The following USF3 variants were observed in gnomAD, a reference collection of about 807,000 sequenced individuals.
USF3 encodes basic helix-loop-helix domain-containing protein USF3.
Under a neutral mutation model 157.5 loss-of-function variants are expected in USF3, and 29 were observed. The ratio of observed to expected loss-of-function variants is 0.18; its 90% CI spans 0.14 to 0.25. USF3 has a LOEUF of 0.25. Ranked by LOEUF, USF3 falls within the 10% of genes least tolerant of loss-of-function variation. The probability of loss-of-function intolerance (pLI) is 1.00; values close to 1 mark genes in which losing one functional copy is unlikely to be tolerated. For missense variants in USF3, 2,381 were observed against 2,667.6 expected (o/e 0.89, Z 2.37); for synonymous variants, 893 against 941.4 (o/e 0.95, Z 0.94).
rs1025398461 is a variant in USF3, at chr3:113,687,263, A to C, written c.-135+9107T>G. 1.5e-4 allele frequency among the ~76,000 whole-genome samples: 21 copies of C among 144,678 alleles called. No homozygotes were observed. The East Asian group carries it at 1.9e-3, about 13-fold the overall frequency. 94.9% of individuals were successfully genotyped at this position (144,678 alleles called of 152,430 possible). On this transcript the variant is annotated intron_variant, in intron 1 of 6. Coordinates refer to ENST00000316407, the MANE Select transcript of USF3 (RefSeq NM_001009899.4). ...CACACACACACACACACACACACAC[A>C]CACCCCCTTTCTAGTACTTCCTTAC...
rs1947292511 is a variant in USF3, at chr3:113,653,071, AGAAAG to A, written c.*1868_*1872del. ...AGAGTCTCAAAAAAAAAAGAAAAGA[AGAAAG>A]AAAAGAAAAGCTGGTCCTTGAGTTC... On this transcript the variant is annotated 3_prime_UTR_variant, in exon 7 of 7. Coordinates refer to ENST00000316407, the MANE Select transcript of USF3 (RefSeq NM_001009899.4). 1 of 299,754 alleles carries A rather than the reference AGAAAG, an allele frequency of 3.3e-6. No individual in the cohort carries two copies. Among genetic ancestry groups the A allele is most frequent in the Non-Finnish European group, 5.9e-6 (1 of 170,508 alleles). The allele number at this position is 299,754 out of a possible 1,614,324, so 18.6% of individuals were successfully genotyped here.
rs763408964 is a variant in USF3, at chr3:113,657,866, C to T, written c.3816G>A (p.Thr1272=). The change falls in exon 7 of 7, where the codon ACG becomes ACA. Residue 1272 remains threonine (T), a synonymous_variant. Coordinates refer to ENST00000316407, the MANE Select transcript of USF3 (RefSeq NM_001009899.4). Reference sequence around the variant, plus strand: ...AGCTAGATGAAACGGTCAGATTAACCGTTGCAGGCACAGTTGTTTGCTCTG... The same window carrying T: ...AGCTAGATGAAACGGTCAGATTAACTGTTGCAGGCACAGTTGTTTGCTCTG... ...PTSEQTTVPA[T]VNLTVSSSSY... The T allele has an allele frequency of 3.4e-5, 55 of 1,614,034 alleles. No homozygotes were observed. The highest frequency in any genetic ancestry group is 4.3e-5 in the Non-Finnish European group (51 of 1,180,036).
rs750963413 is a variant in USF3 at position 113,655,590 on chromosome 3, G to A, written c.6092C>T (p.Thr2031Ile). The A allele has an allele frequency of 8.7e-6, 14 of 1,614,032 alleles. No homozygotes were observed. The highest frequency in any genetic ancestry group is 1.3e-5 in the African/African-American group (1 of 74,916). The change falls in exon 7 of 7, where the codon ACA becomes ATA. Residue 2031 changes from threonine to isoleucine, a missense_variant. This residue lies in a region of USF3 where 770 missense variants were observed against 824.2 expected (regional missense o/e 0.93). Transcript: ENST00000316407. The stretch of plus-strand genomic sequence containing the variant: ...ACGAACAATACTTCCTCTCTTCTCT[G>A]TGGCAGGTTGTTGACGTCCAAGAAT... ...SMILGRQQPA[T>I]EKRGSIVRFM...
Position 113,674,186 on chromosome 3 carries a change from A to G in USF3, c.47+646T>C, listed in dbSNP as rs767802224. On this transcript the variant is annotated intron_variant, in intron 3 of 6. Coordinates refer to ENST00000316407, the MANE Select transcript of USF3 (RefSeq NM_001009899.4). ...ATAATGTCACAGAATGTCTATTCAC[A>G]CTGACTAGAGCCTAAATCAACTTAG... Among the ~76,000 whole-genome samples the G allele has an allele frequency of 2.6e-5, 4 of 152,218 alleles. No homozygotes were observed. The East Asian group carries it at 7.7e-4, about 29-fold the overall frequency.
rs1481805491 is a variant in USF3, at chr3:113,670,146, A to G, written c.134T>C (p.Ile45Thr). Residue 45 changes from isoleucine (I) to threonine (T), a missense_variant, in exon 5 of 7, where the codon ATC (isoleucine) becomes ACC (threonine). Physicochemically the swap from Ile to Thr is moderately conservative, Grantham distance 89. This residue lies in a region of USF3 where 105 missense variants were observed against 158.6 expected (regional missense o/e 0.66). Transcript: ENST00000316407. The part of the protein sequence containing the change: ...NAGINRIGEL[I>T]PCSPALKQSK... ...CTGCTTCAGGGCAGGAGAACATGGG[A>G]TCAGCTCTCCTATTCTGTTTATCCC... is the stretch of plus-strand genomic sequence containing the variant. 1 of 1,612,674 alleles carries G rather than the reference A, an allele frequency of 6.2e-7. No homozygotes were observed. Among genetic ancestry groups the G allele is most frequent in the Non-Finnish European group, 8.5e-7 (1 of 1,178,746 alleles).
chr3:113,669,803 A>C (rs1707107661), intron 5 of USF3, among the ~76,000 whole-genome samples: 1 of 152,210 alleles, frequency 6.6e-6, no homozygotes, highest in African/African-American at 2.4e-5. Flanking sequence ...AAGGAGTAAG[A>C]ACATGCATTG....
chr3:113,660,152 A>C lies in USF3; in HGVS notation c.1530T>G (p.Ile510Met). 5.6e-6 allele frequency: 9 copies of C among 1,614,192 alleles called. No individual in the cohort carries two copies. Among genetic ancestry groups the C allele is most frequent in the African/African-American group, 1.3e-5 (1 of 75,058 alleles). The change falls in exon 7 of 7, where the codon ATT becomes ATG. Residue 510 changes from isoleucine to methionine, a missense_variant. Ile to Met is a conservative substitution (Grantham distance 10). Around this residue, in one of 6 missense-constraint regions of USF3, gnomAD observed 1,435 missense variants for 1,550.9 expected, o/e 0.93. Coordinates refer to ENST00000316407, the MANE Select transcript of USF3 (RefSeq NM_001009899.4). ...GCTGAGATTTAACTTGTGGCTGGGC[A>C]ATTAGTGGCTGCATAGGTAAAGATG... is the stretch of plus-strand genomic sequence containing the variant. ...SCPSLPMQPLIAQPQVKSQPP... is the reference protein window; with the variant it reads ...SCPSLPMQPLMAQPQVKSQPP...
intron 1 of USF3, among the ~76,000 whole-genome samples, chr3:113,679,355 C>T (rs1203880530): frequency 6.6e-6 from 1 of 151,070 alleles, no homozygotes; most frequent in Non-Finnish European, 1.5e-5. Flanking sequence ...GACGAATGCA[C>T]ACAACTGTAT....
rs145928695 is a variant in USF3 at position 113,678,524 on chromosome 3, T to C, written c.-134-1127A>G. On this transcript the variant is annotated intron_variant, in intron 1 of 6. Coordinates refer to ENST00000316407, the MANE Select transcript of USF3 (RefSeq NM_001009899.4). ...TACCAAATGCCATTATGAATATCCA[T>C]CTCAATGTAAAATTATTTATAGGTA... 4.5e-3 allele frequency among the ~76,000 whole-genome samples: 691 copies of C among 152,096 alleles called. 14 individuals carry two copies. The highest frequency in any genetic ancestry group is 0.031 in the Admixed American group (472 of 15,266).
intron 1 of USF3, among the ~76,000 whole-genome samples, chr3:113,692,939 G>C (rs778373952): frequency 7.9e-5 from 12 of 152,110 alleles, no homozygotes; most frequent in Non-Finnish European, 1.6e-4. Flanking sequence ...AAAGACTCAG[G>C]ACACATATAT....
At chr3:113,679,226 T>C (rs1207966753) in intron 1 of USF3, among the ~76,000 whole-genome samples, 4 of 152,062 alleles carry the variant, frequency 2.6e-5, no homozygotes, top group Admixed American at 6.6e-5. Flanking sequence ...CCAGTAGTTT[T>C]CAAGTGTGGT....
chr3:113,695,044 C>CA (rs55897115), intron 1 of USF3, among the ~76,000 whole-genome samples: 4 of 151,392 alleles, frequency 2.6e-5, no homozygotes, highest in South Asian at 2.1e-4. Context: ...GACTCTGTCT[C>CA]AAAAAAAATA....
At position 113,655,375 on chromosome 3, in the gene USF3, G is replaced by C; in HGVS notation, c.6307C>G (p.Pro2103Ala). Residue 2103 changes from proline (P) to alanine (A), a missense_variant, in exon 7 of 7, where the codon CCG (proline) becomes GCG (alanine). Physicochemically the swap from Pro to Ala is conservative, Grantham distance 27. Transcript: ENST00000316407. Reference sequence around the variant, plus strand: ...TAGAAGGAGGGCAGAGTATTTTGCGGATCTACCGGGATGAGGGCTGGAGTT... The same window carrying C: ...TAGAAGGAGGGCAGAGTATTTTGCGCATCTACCGGGATGAGGGCTGGAGTT... The part of the protein sequence containing the change: ...TRTPALIPVD[P>A]QNTLPSFYPP... The C allele has an allele frequency of 1.9e-6, 3 of 1,614,116 alleles. No individual in the cohort carries two copies. The highest frequency in any genetic ancestry group is 2.2e-5 in the South Asian group (2 of 91,084).
chr3:113,688,650 A>G (rs1344087894), intron 1 of USF3, among the ~76,000 whole-genome samples: 4 of 152,224 alleles, frequency 2.6e-5, no homozygotes, highest in African/African-American at 9.6e-5. Context: ...GGTAATCAAC[A>G]AGTATTTGTT....
rs377383163 is a variant in USF3, at chr3:113,657,693, C to T, written c.3989G>A (p.Arg1330His). 3 of 1,614,132 alleles carry T rather than the reference C, an allele frequency of 1.9e-6. No homozygotes were observed. Among genetic ancestry groups the T allele is most frequent in the Non-Finnish European group, 2.5e-6 (3 of 1,180,040 alleles). Residue 1330 changes from arginine to histidine, a missense_variant, in exon 7 of 7, where the codon CGT becomes CAT. This residue lies in a region of USF3 where 1,435 missense variants were observed against 1,550.9 expected (regional missense o/e 0.93). Coordinates refer to ENST00000316407, the MANE Select transcript of USF3 (RefSeq NM_001009899.4). ...SHESRKDSAK[R>H]AVQDDLLLSS... Reference sequence around the variant, plus strand: ...CAGTAAAAGGTCATCTTGGACAGCACGCTTAGCAGAATCCTTACGGCTTTC... The same window carrying T: ...CAGTAAAAGGTCATCTTGGACAGCATGCTTAGCAGAATCCTTACGGCTTTC...
At chr3:113,694,767 G>A (rs749403497) in intron 1 of USF3, among the ~76,000 whole-genome samples, 7 of 152,218 alleles carry the variant, frequency 4.6e-5, no homozygotes, top group East Asian at 1.9e-4. Flanking sequence ...ATTTGAGGCC[G>A]GGCGCAGCGG....
intron 1 of USF3, among the ~76,000 whole-genome samples, chr3:113,688,692 C>A (rs1707613710): frequency 6.6e-6 from 1 of 152,162 alleles, no homozygotes; most frequent in Non-Finnish European, 1.5e-5. Context: ...AGGTGGTGTG[C>A]AAGAATTTTT....
In USF3 at chr3:113,659,298, A is replaced by G. The variant is rs1947432431; in HGVS notation, c.2384T>C (p.Leu795Ser). ...TTTCCTGCCACCTGGCTTCTTATTCAACCTTTTAGATTTCATGTTAGGCAA... is the reference window on the plus strand; with the variant it reads ...TTTCCTGCCACCTGGCTTCTTATTCGACCTTTTAGATTTCATGTTAGGCAA... ...ACLPNMKSKR[L>S]NKKPGGRKHL... The change falls in exon 7 of 7, where the codon TTG becomes TCG. Residue 795 changes from leucine (L) to serine (S), a missense_variant. Coordinates refer to ENST00000316407, the MANE Select transcript of USF3 (RefSeq NM_001009899.4). 3 of 1,614,172 alleles carry G rather than the reference A, an allele frequency of 1.9e-6. No homozygotes were observed. In the East Asian group the frequency reaches 6.7e-5, roughly 36 times the overall value.
chr3:113,660,311 T>G lies in USF3; in HGVS notation c.1371A>C (p.Val457=). Residue 457 remains valine, a synonymous_variant, in exon 7 of 7, where the codon GTA becomes GTC. Coordinates refer to ENST00000316407, the MANE Select transcript of USF3 (RefSeq NM_001009899.4). ...SQTPSSAVTP[V]LNESGTSPTT... ...TGGGGCTAGTACCAGACTCATTTAA[T>G]ACTGGAGTCACAGCAGAAGATGGTG... The G allele has an allele frequency of 6.2e-7, 1 of 1,614,244 alleles. No homozygotes were observed. The highest frequency in any genetic ancestry group is 2.2e-5 in the East Asian group (1 of 44,890).
Sources: gnomAD v4.1 joint callset for allele counts (sites outside exome capture counted in the v4.1 genomes callset) on GRCh38, gnomAD v4.1.1 for gene constraint, gnomAD v4.1.1 regional missense constraint, MANE v1.5 for transcripts, NCBI Gene and HGNC (gene_info 2026-07-23, HGNC 2026-07-21) for gene names.